The following GLCCI1 variants were observed in gnomAD, a reference collection of about 807,000 sequenced individuals.
GLCCI1 encodes the protein glucocorticoid-induced transcript 1 protein.
GLCCI1 carries 24 observed loss-of-function variants against 52.2 expected under a neutral mutation model. The ratio of observed to expected loss-of-function variants is 0.46; its 90% CI spans 0.33 to 0.65. The LOEUF is 0.65. GLCCI1 is among the 30% of genes least tolerant of loss of function. The pLI is 0.02. For synonymous variants in GLCCI1, 310 were observed against 276.5 expected (o/e 1.12, Z -1.20); for missense variants, 704 against 701.5 (o/e 1.00, Z -0.04).
chr7:7,996,373 A>C (rs1487237792), intron 1 of GLCCI1, among the ~76,000 whole-genome samples: 5 of 150,540 alleles, frequency 3.3e-5, no homozygotes, highest in Non-Finnish European at 7.4e-5. Context: ...GCCACCTCCC[A>C]AAAAAACGAA....
chr7:8,037,372 T>A (rs1386639225), intron 3 of GLCCI1, among the ~76,000 whole-genome samples: 1 of 152,118 alleles, frequency 6.6e-6, no homozygotes, highest in East Asian at 1.9e-4. Flanking sequence ...ACTAGACTGG[T>A]CCTACAAGAA....
chr7:7,994,809 C>G (rs1397073513), intron 1 of GLCCI1, among the ~76,000 whole-genome samples: 1 of 152,182 alleles, frequency 6.6e-6, no homozygotes, highest in Non-Finnish European at 1.5e-5. Flanking sequence ...TGAATATTGA[C>G]TTATTACTCT....
intron 3 of GLCCI1, among the ~76,000 whole-genome samples, chr7:8,054,752 C>T (rs946339049): frequency 1.3e-5 from 2 of 151,952 alleles, no homozygotes; most frequent in Non-Finnish European, 2.9e-5. Context: ...TTAATGGTTT[C>T]CTTTTACATC....
intron 1 of GLCCI1, among the ~76,000 whole-genome samples, chr7:7,985,145 G>A (rs1780696226): frequency 6.6e-6 from 1 of 152,024 alleles, no homozygotes; most frequent in Non-Finnish European, 1.5e-5. Context: ...TTATGATTTT[G>A]TGTATATTTG....
At chr7:8,084,715 C>T (rs111405466) in intron 6 of GLCCI1, 182 bp from the exon 7 acceptor site, 2 of 545,380 alleles carry the variant, frequency 3.7e-6, no homozygotes. Context: ...ATGACTGTTG[C>T]ATTGCAGTTT....
chr7:8,051,093 A>AT (rs1782249142), intron 3 of GLCCI1, among the ~76,000 whole-genome samples: 1 of 152,214 alleles, frequency 6.6e-6, no homozygotes, highest in South Asian at 2.1e-4. Flanking sequence ...ATTAGGCAGA[A>AT]TGTGCATCAT....
intron 3 of GLCCI1, among the ~76,000 whole-genome samples, chr7:8,053,516 G>A (rs1193651531): frequency 7.0e-6 from 1 of 143,520 alleles, no homozygotes; most frequent in Non-Finnish European, 1.5e-5. Context: ...TTTTTTTTTA[G>A]CAGAGATGGG....
chr7:8,054,483 T>C (rs1241466803), intron 3 of GLCCI1, among the ~76,000 whole-genome samples: 2 of 152,188 alleles, frequency 1.3e-5, no homozygotes, highest in Non-Finnish European at 2.9e-5. Flanking sequence ...TATTGTTTTC[T>C]CTTCTATTAA....
chr7:8,057,506 C>G (rs1043025893), intron 4 of GLCCI1, among the ~76,000 whole-genome samples: 1 of 151,990 alleles, frequency 6.6e-6, no homozygotes, highest in African/African-American at 2.4e-5. Context: ...GCAACATTAT[C>G]GAAACAAAGT....
At chr7:8,070,855 A>G (rs962197281) in intron 5 of GLCCI1, 66 bp from the exon 6 acceptor site, 13 of 1,370,430 alleles carry the variant, frequency 9.5e-6, no homozygotes, top group Middle Eastern at 1.8e-4. Context: ...GGGAAATACT[A>G]TGTGCTTTCT....
At chr7:8,084,237 G>C (rs1414985140) in intron 6 of GLCCI1, among the ~76,000 whole-genome samples, 1 of 152,126 alleles carries the variant, frequency 6.6e-6, no homozygotes, top group Non-Finnish European at 1.5e-5. Flanking sequence ...AAAAATATGA[G>C]GAAAACGTGT....
chr7:8,047,485 CCAT>C (rs1782158184), intron 3 of GLCCI1, among the ~76,000 whole-genome samples: 1 of 152,056 alleles, frequency 6.6e-6, no homozygotes, highest in Non-Finnish European at 1.5e-5. Flanking sequence ...TAATTTGCAC[CCAT>C]TTAGTTGAGG....
At chr7:8,066,070 A>G (rs928053393) in intron 5 of GLCCI1, among the ~76,000 whole-genome samples, 5 of 152,076 alleles carry the variant, frequency 3.3e-5, no homozygotes, top group Non-Finnish European at 5.9e-5. Context: ...TACTGACTCA[A>G]TTTCAGAACC....
intron 6 of GLCCI1, among the ~76,000 whole-genome samples, chr7:8,080,402 C>A (rs1584027226): frequency 6.6e-6 from 1 of 151,542 alleles, no homozygotes; most frequent in Admixed American, 6.6e-5. Context: ...TTACATTCTA[C>A]TGCTTATTGC....
intron 5 of GLCCI1, among the ~76,000 whole-genome samples, chr7:8,062,838 A>G (rs1025469767): frequency 6.6e-6 from 1 of 152,168 alleles, no homozygotes; most frequent in Non-Finnish European, 1.5e-5. Context: ...CATGGTATAT[A>G]TGTACCACAT....
At chr7:7,982,815 G>C (rs1198026597) in intron 1 of GLCCI1, among the ~76,000 whole-genome samples, 1 of 152,048 alleles carries the variant, frequency 6.6e-6, no homozygotes, top group Non-Finnish European at 1.5e-5. Flanking sequence ...TTATTCTTCT[G>C]TTGATGTACA....
Position 7,969,246 on chromosome 7 carries a change from C to A in GLCCI1, c.-105C>A. ...CCACAGCGATACCCCCGCCCCTCCC[C>A]CTTACACACTCGCACGCACTATCGC... On this transcript the variant is annotated 5_prime_UTR_variant, in exon 1 of 8. Coordinates refer to ENST00000223145, the MANE Select transcript of GLCCI1 (RefSeq NM_138426.4). This position sits in a 1 kb window ranked among gnomAD's most constrained non-coding sequence, Gnocchi z 4.9. The A allele has an allele frequency of 8.7e-7, 1 of 1,146,324 alleles. No homozygotes were observed. Among genetic ancestry groups the A allele is most frequent in the Non-Finnish European group, 1.1e-6 (1 of 910,660 alleles). 71.0% of individuals were successfully genotyped at this position (1,146,324 alleles called of 1,614,324 possible).
intron 3 of GLCCI1, among the ~76,000 whole-genome samples, chr7:8,031,241 A>G (rs1225132377): frequency 6.6e-6 from 1 of 152,160 alleles, no homozygotes; most frequent in East Asian, 1.9e-4. Flanking sequence ...AATGACGTCC[A>G]GTTCCATCCA....
chr7:8,036,972 A>T (rs1781880901), intron 3 of GLCCI1, among the ~76,000 whole-genome samples: 2 of 152,174 alleles, frequency 1.3e-5, no homozygotes, highest in Non-Finnish European at 2.9e-5. Flanking sequence ...AGTTTGGAAA[A>T]CCTATGTGAG....
Sources: gnomAD v4.1 joint callset for allele counts (sites outside exome capture counted in the v4.1 genomes callset) on GRCh38, gnomAD v4.1.1 for gene constraint, Gnocchi (gnomAD v3.1) non-coding constraint, MANE v1.5 for transcripts, NCBI Gene and HGNC (gene_info 2026-07-23, HGNC 2026-07-21) for gene names.